Variants in CD36 observed in about 807,000 individuals in gnomAD.
CD36 encodes the protein platelet glycoprotein 4.
CD36 carries 119 observed loss-of-function variants against 55.2 expected under a neutral mutation model. The observed-to-expected ratio is 2.15, with a 90% confidence interval of 1.86 to 2.51. The LOEUF (loss-of-function observed/expected upper bound fraction) is 2.51. Ranked by LOEUF, CD36 falls within the 30% of genes most tolerant of loss-of-function variation. The probability of loss-of-function intolerance (pLI) is 0.00; values close to 1 mark genes in which losing one functional copy is unlikely to be tolerated. For missense variants in CD36, 819 were observed against 555.5 expected, an observed-to-expected ratio of 1.47 and a Z score of -4.77; for synonymous variants, 186 against 193.6, an observed-to-expected ratio of 0.96 and a Z score of 0.33.
intron 3 of CD36, among the ~76,000 whole-genome samples, chr7:80,653,391 G>A (rs1351797152): frequency 5.9e-5 from 9 of 152,188 alleles, no homozygotes; most frequent in African/African-American, 2.2e-4. Context: ...ATTCAAGTGA[G>A]TGCATGACTA....
intron 14 of CD36, chr7:80,674,350 A>G (rs1798057395): frequency 1.9e-6 from 1 of 528,534 alleles, no homozygotes; most frequent in Admixed American, 3.3e-5. Context: ...GGGAGAAATG[A>G]GATAAAAGAT....
intron 13 of CD36, chr7:80,673,653 A>G: frequency 1.8e-6 from 1 of 560,150 alleles, no homozygotes; most frequent in Non-Finnish European, 3.2e-6. Flanking sequence ...TTTGTCTTCT[A>G]TTGCCTGACA....
At chr7:80,610,039 C>G (rs1792789466) in intron 1 of CD36, among the ~76,000 whole-genome samples, 1 of 152,134 alleles carries the variant, frequency 6.6e-6, no homozygotes, top group Admixed American at 6.5e-5. Flanking sequence ...CCTTGGAAAA[C>G]AAGGACTGGC....
At position 80,646,760 on chromosome 7, in the gene CD36, G is replaced by T. The variant is rs766063043; in HGVS notation, c.20G>T (p.Cys7Phe). Residue 7 changes from cysteine to phenylalanine, a missense_variant, in exon 3 of 15, where the codon TGT becomes TTT. Physicochemically the swap from Cys to Phe is radical, Grantham distance 205. Coordinates refer to ENST00000447544, the MANE Select transcript of CD36 (RefSeq NM_001001548.3). MGCDRN[C>F]GLIAGAVIGA... ...AGAAAAATGGGCTGTGACCGGAACT[G>T]TGGGCTCATCGCTGGGGCTGTCATT... The T allele has an allele frequency of 6.2e-7, 1 of 1,614,012 alleles. No individual in the cohort carries two copies. Among genetic ancestry groups the T allele is most frequent in the South Asian group, 1.1e-5 (1 of 91,078 alleles).
intron 4 of CD36, among the ~76,000 whole-genome samples, chr7:80,659,836 TTGTG>T (rs200143957): frequency 2.0e-3 from 301 of 152,300 alleles, no homozygotes; most frequent in African/African-American, 7.0e-3. Context: ...TTTATATTCT[TTGTG>T]TGTCTGCAGT....
At chr7:80,670,646 A>G (rs1584459471) in intron 9 of CD36, 1 of 322,658 alleles carries the variant, frequency 3.1e-6, no homozygotes, top group East Asian at 7.6e-5. Context: ...TCCAGGATTA[A>G]TTAAGCCGTG....
intron 1 of CD36, among the ~76,000 whole-genome samples, chr7:80,630,193 A>G (rs927197574): frequency 6.6e-6 from 1 of 152,026 alleles, no homozygotes; most frequent in Non-Finnish European, 1.5e-5. Flanking sequence ...ATATTTGCAG[A>G]CCCATCATTG....
intron 1 of CD36, among the ~76,000 whole-genome samples, chr7:80,617,721 T>C (rs1793243515): frequency 1.1e-5 from 1 of 90,536 alleles, no homozygotes; most frequent in African/African-American, 4.0e-5. Context: ...AGCGAGACTG[T>C]GTCTCCAAAA....
intron 1 of CD36, among the ~76,000 whole-genome samples, chr7:80,629,973 C>T (rs1487523131): frequency 6.6e-6 from 1 of 151,218 alleles, no homozygotes; most frequent in African/African-American, 2.4e-5. Context: ...GAAAGAAAAC[C>T]ACTGCTATAT....
chr7:80,666,797 C>G (rs1403364719), intron 8 of CD36, among the ~76,000 whole-genome samples: 1 of 152,156 alleles, frequency 6.6e-6, no homozygotes, highest in Non-Finnish European at 1.5e-5. Flanking sequence ...ACACAAAACA[C>G]TTTAGTTACA....
At chr7:80,655,790 A>G (rs1033151484) in intron 3 of CD36, among the ~76,000 whole-genome samples, 6 of 152,024 alleles carry the variant, frequency 3.9e-5, no homozygotes, top group Non-Finnish European at 8.8e-5. Context: ...TGTTTCTACT[A>G]AAACTACAAA....
chr7:80,648,546 A>G (rs1176357951), intron 3 of CD36, among the ~76,000 whole-genome samples: 2 of 152,088 alleles, frequency 1.3e-5, no homozygotes, highest in African/African-American at 4.8e-5. Flanking sequence ...TATGCTTATA[A>G]TAGTTAACCA....
intron 1 of CD36, among the ~76,000 whole-genome samples, chr7:80,603,000 A>G (rs1792327676): frequency 6.6e-6 from 1 of 152,184 alleles, no homozygotes; most frequent in Non-Finnish European, 1.5e-5. Flanking sequence ...ATCTTTTTAT[A>G]CATAAAACTT....
chr7:80,670,138 G>A (rs1797517529), intron 9 of CD36, 116 bp downstream of exon 9: 9 of 742,698 alleles, frequency 1.2e-5, no homozygotes, highest in Middle Eastern at 2.4e-4. Flanking sequence ...CTAACTCTTT[G>A]CAAAATGTTC....
intron 2 of CD36, 147 bp downstream of exon 2, chr7:80,646,328 T>A (rs1388269646): frequency 8.1e-6 from 2 of 246,754 alleles, no homozygotes; most frequent in South Asian, 5.2e-5. Flanking sequence ...AGGATGCAAC[T>A]AAGTTGCTGA....
At chr7:80,624,435 A>T (rs1247136037) in intron 1 of CD36, among the ~76,000 whole-genome samples, 1 of 152,180 alleles carries the variant, frequency 6.6e-6, no homozygotes, top group Non-Finnish European at 1.5e-5. Flanking sequence ...AAGTAGAGGG[A>T]TAAGTCAAAT....
rs1798201146 is a variant in CD36 at position 80,677,580 on chromosome 7, CCTTTT to C, written c.*1198_*1202del. 2.0e-5 allele frequency: 3 copies of C among 152,240 alleles called. No individual in the cohort carries two copies. The highest frequency in any genetic ancestry group is 7.2e-5 in the African/African-American group (3 of 41,546). 9.4% of individuals were successfully genotyped at this position (152,240 alleles called of 1,614,324 possible). ...TGCTTAAAGCATACTTAGTGCCTTTCCTTTTAACTGGGAAGATAAAAGAAGTATCT... is the reference window on the plus strand; with the variant it reads ...TGCTTAAAGCATACTTAGTGCCTTTCAACTGGGAAGATAAAAGAAGTATCT... On this transcript the variant is annotated 3_prime_UTR_variant, in exon 15 of 15. Coordinates refer to ENST00000447544, the MANE Select transcript of CD36 (RefSeq NM_001001548.3).
chr7:80,627,757 A>C (rs574223079), intron 1 of CD36, among the ~76,000 whole-genome samples: 2 of 152,216 alleles, frequency 1.3e-5, no homozygotes, highest in East Asian at 3.9e-4. Flanking sequence ...AATACATTTT[A>C]CAAAACTTTA....
intron 1 of CD36, among the ~76,000 whole-genome samples, chr7:80,631,048 C>T (rs1012340745): frequency 1.3e-5 from 2 of 151,992 alleles, no homozygotes; most frequent in African/African-American, 4.8e-5. Flanking sequence ...AACAAAACAT[C>T]GTGTCCGAGA....
Sources: gnomAD v4.1 joint callset for allele counts (sites outside exome capture counted in the v4.1 genomes callset) on GRCh38, gnomAD v4.1.1 for gene constraint, MANE v1.5 for transcripts, NCBI Gene and HGNC (gene_info 2026-07-23, HGNC 2026-07-21) for gene names.